The following MNAT1 variants were observed in gnomAD, a reference collection of about 807,000 sequenced individuals.
MNAT1 encodes CDK-activating kinase assembly factor MAT1.
A neutral mutation model predicts 42.0 loss-of-function variants in MNAT1; 43 were observed. That is an observed-to-expected ratio of 1.02 (90% confidence interval 0.80 to 1.32). MNAT1 has a LOEUF of 1.32. Ranked by LOEUF, MNAT1 falls within the 40% of genes most tolerant of loss-of-function variation. MNAT1 has a pLI of 0.00. For synonymous variants in MNAT1, 118 were observed against 120.0 expected (o/e 0.98, Z 0.11); for missense variants, 306 against 350.4 (o/e 0.87, Z 1.01).
At chr14:60,917,941 C>G (rs2035560848) in intron 7 of MNAT1, among the ~76,000 whole-genome samples, 1 of 151,992 alleles carries the variant, frequency 6.6e-6, no homozygotes, top group African/African-American at 2.4e-5. Flanking sequence ...CTTGTTACTT[C>G]TTCTGGTTCC....
intron 7 of MNAT1, among the ~76,000 whole-genome samples, chr14:60,888,731 A>T (rs1354684804): frequency 1.2e-4 from 16 of 137,922 alleles, no homozygotes; most frequent in Non-Finnish European, 2.3e-4. Context: ...CCTTAAGCTG[A>T]TAAGCAACTT....
intron 6 of MNAT1, among the ~76,000 whole-genome samples, chr14:60,878,813 G>T (rs537066609): frequency 2.0e-5 from 3 of 152,190 alleles, no homozygotes; most frequent in Non-Finnish European, 4.4e-5. Context: ...TTGAAGAAAG[G>T]CTTCAGGATC....
At chr14:60,915,923 G>A (rs188783253) in intron 7 of MNAT1, among the ~76,000 whole-genome samples, 13 of 152,230 alleles carry the variant, frequency 8.5e-5, no homozygotes, top group Admixed American at 2.6e-4. Flanking sequence ...TGCATTCATC[G>A]GTTCCCAGCT....
chr14:60,843,698 CT>C (rs2033609027), intron 6 of MNAT1, among the ~76,000 whole-genome samples: 1 of 152,046 alleles, frequency 6.6e-6, no homozygotes, highest in South Asian at 2.1e-4. Context: ...AACATAAGTC[CT>C]TTGTCAGACA....
chr14:60,925,477 A>G (rs921081536), intron 7 of MNAT1, among the ~76,000 whole-genome samples: 4 of 152,254 alleles, frequency 2.6e-5, no homozygotes, highest in Admixed American at 1.3e-4. Flanking sequence ...CAGGATGTCT[A>G]GTTATACCAT....
intron 1 of MNAT1, among the ~76,000 whole-genome samples, chr14:60,783,070 A>G (rs1054083862): frequency 6.6e-6 from 1 of 152,212 alleles, no homozygotes; most frequent in African/African-American, 2.4e-5. Flanking sequence ...GGTGATGATA[A>G]TGAATTTGGT....
chr14:60,751,876 T>A (rs1411236625), intron 1 of MNAT1, among the ~76,000 whole-genome samples: 1 of 152,088 alleles, frequency 6.6e-6, no homozygotes, highest in Non-Finnish European at 1.5e-5. Flanking sequence ...GAAGCCTCCA[T>A]CAATATGGTG....
intron 7 of MNAT1, among the ~76,000 whole-genome samples, chr14:60,950,983 G>A (rs1243894499): frequency 6.6e-6 from 1 of 152,102 alleles, no homozygotes; most frequent in Non-Finnish European, 1.5e-5. Flanking sequence ...ACATTTTTAA[G>A]TAGCCATGGT....
intron 7 of MNAT1, among the ~76,000 whole-genome samples, chr14:60,881,287 T>C (rs1330221100): frequency 6.6e-6 from 1 of 152,042 alleles, no homozygotes; most frequent in Non-Finnish European, 1.5e-5. Context: ...TGGGTTCAAG[T>C]GATTCTCATG....
At chr14:60,886,201 T>A (rs891243362) in intron 7 of MNAT1, among the ~76,000 whole-genome samples, 3 of 152,112 alleles carry the variant, frequency 2.0e-5, no homozygotes, top group Non-Finnish European at 2.9e-5. Flanking sequence ...ACTTTGTTCT[T>A]CCTTTTCAAG....
At chr14:60,771,107 T>G (rs1308529797) in intron 1 of MNAT1, among the ~76,000 whole-genome samples, 1 of 152,182 alleles carries the variant, frequency 6.6e-6, no homozygotes, top group Non-Finnish European at 1.5e-5. Context: ...TTAACTTTAC[T>G]AGGAAATGCC....
intron 3 of MNAT1, among the ~76,000 whole-genome samples, chr14:60,805,513 TAC>T: frequency 6.6e-6 from 1 of 152,346 alleles, no homozygotes; most frequent in African/African-American, 2.4e-5. Context: ...CATTATATCA[TAC>T]AGAGTCATTT....
At position 60,755,304 on chromosome 14, in the gene MNAT1, T is replaced by G. The variant is rs1036810227; in HGVS notation, c.89+20353T>G. On this transcript the variant is annotated intron_variant, in intron 1 of 7. Transcript: ENST00000261245. ...GACTGCAGGCACGTGCCACCACACC[T>G]GGCTACTTTTTGTATTTTTAGTGGA... Among the ~76,000 whole-genome samples, 7 of 152,154 alleles carry G rather than the reference T, an allele frequency of 4.6e-5. 1 individual carries two copies. The highest frequency in any genetic ancestry group is 1.3e-4 in the Admixed American group (2 of 15,274).
At chr14:60,858,206 T>C (rs2034008815) in intron 6 of MNAT1, among the ~76,000 whole-genome samples, 1 of 152,200 alleles carries the variant, frequency 6.6e-6, no homozygotes, top group African/African-American at 2.4e-5. Flanking sequence ...GTAAAAGCAT[T>C]CCTATTTCTC....
At chr14:60,928,632 T>C (rs1252032836) in intron 7 of MNAT1, among the ~76,000 whole-genome samples, 2 of 152,206 alleles carry the variant, frequency 1.3e-5, no homozygotes, top group Non-Finnish European at 2.9e-5. Flanking sequence ...TACCCATCCA[T>C]ATATCTTCTT....
At chr14:60,755,333 G>A (rs894374353) in intron 1 of MNAT1, among the ~76,000 whole-genome samples, 3 of 152,100 alleles carry the variant, frequency 2.0e-5, no homozygotes, top group African/African-American at 7.2e-5. Flanking sequence ...TAGTGGAGAC[G>A]GGGTTTCACC....
intron 7 of MNAT1, among the ~76,000 whole-genome samples, chr14:60,963,012 C>T (rs999930488): frequency 6.6e-6 from 1 of 151,758 alleles, no homozygotes; most frequent in African/African-American, 2.4e-5. Flanking sequence ...GATGGAGTCT[C>T]GCTCTGTCGC....
At chr14:60,928,012 T>A (rs557493403) in intron 7 of MNAT1, among the ~76,000 whole-genome samples, 20 of 152,130 alleles carry the variant, frequency 1.3e-4, no homozygotes, top group Admixed American at 3.9e-4. Flanking sequence ...AGATCCATCA[T>A]GTTAGTTTAT....
At chr14:60,930,145 G>T (rs1181215915) in intron 7 of MNAT1, among the ~76,000 whole-genome samples, 5 of 151,070 alleles carry the variant, frequency 3.3e-5, no homozygotes, top group African/African-American at 1.2e-4. Context: ...CAATTCCAGA[G>T]TATTTGCTTA....
Sources: gnomAD v4.1 joint callset for allele counts (sites outside exome capture counted in the v4.1 genomes callset) on GRCh38, gnomAD v4.1.1 for gene constraint, MANE v1.5 for transcripts, NCBI Gene and HGNC (gene_info 2026-07-23, HGNC 2026-07-21) for gene names.